The following ICE1 variants were observed in gnomAD, a reference collection of about 807,000 sequenced individuals.
ICE1 encodes the protein interactor of little elongation complex ELL subunit 1.
ICE1 carries 64 observed loss-of-function variants against 192.7 expected under a neutral mutation model. The ratio of observed to expected loss-of-function variants is 0.33; its 90% CI spans 0.27 to 0.41. The LOEUF (loss-of-function observed/expected upper bound fraction) is 0.41. Ranked by LOEUF, ICE1 falls within the 10% of genes least tolerant of loss-of-function variation. ICE1 has a pLI of 1.00. For missense variants in ICE1, 2,708 were observed against 2,696.0 expected (o/e 1.00, Z -0.10); for synonymous variants, 1,010 against 984.5 (o/e 1.03, Z -0.49).
intron 10 of ICE1, among the ~76,000 whole-genome samples, chr5:5,453,263 C>G (rs1738477683): frequency 6.6e-6 from 1 of 152,032 alleles, no homozygotes; most frequent in East Asian, 1.9e-4. Context: ...AATTTTGGAA[C>G]TGAAAAATGG....
chr5:5,478,758 A>G (rs972656088), intron 17 of ICE1, among the ~76,000 whole-genome samples: 9 of 152,214 alleles, frequency 5.9e-5, no homozygotes, highest in African/African-American at 1.7e-4. Context: ...ATATAGACCA[A>G]TGGAACAGAA....
chr5:5,445,754 A>G (rs1054015845), intron 7 of ICE1, among the ~76,000 whole-genome samples: 4 of 149,696 alleles, frequency 2.7e-5, no homozygotes, highest in African/African-American at 9.9e-5. Flanking sequence ...TTTTTTTGAG[A>G]GGAAGTCTCG....
At chr5:5,444,356 T>TC (rs776710296) in intron 7 of ICE1, 30 bp downstream of exon 7, 49 of 1,528,258 alleles carry the variant, frequency 3.2e-5, no homozygotes, top group Non-Finnish European at 4.0e-5. Context: ...CCTGAAGTTT[T>TC]CGGTCAGTAC....
Position 5,461,626 on chromosome 5 carries a change from T to C in ICE1, c.2292T>C (p.Asn764=). ...SQDPRIELTL[N]KPDFTSLIGS... The stretch of plus-strand genomic sequence containing the variant: ...ATCCAAGAATTGAGCTCACACTAAA[T>C]AAGCCAGATTTCACATCATTAATAG... Residue 764 remains asparagine, a synonymous_variant, in exon 13 of 19, where the codon AAT becomes AAC. Coordinates refer to ENST00000296564, the MANE Select transcript of ICE1 (RefSeq NM_015325.3). 1.2e-6 allele frequency: 2 copies of C among 1,613,548 alleles called. No homozygotes were observed. Among genetic ancestry groups the C allele is most frequent in the East Asian group, 2.2e-5 (1 of 44,876 alleles).
chr5:5,460,834 C>T lies in ICE1; in HGVS notation c.1500C>T (p.Thr500=), dbSNP rs773066906. 7.4e-6 allele frequency: 12 copies of T among 1,613,862 alleles called. No individual in the cohort carries two copies. In the East Asian group the frequency reaches 1.6e-4, roughly 21 times the overall value. Residue 500 remains threonine, a synonymous_variant, in exon 13 of 19, where the codon ACC becomes ACT. Transcript: ENST00000296564. The part of the protein sequence containing the change: ...EMDKSVQTEK[T]IHKLTRGLCI... ...ATAAGTCAGTACAAACTGAGAAGAC[C>T]ATTCATAAACTCACTCGAGGTCTAT...
chr5:5,433,106 T>G (rs147103222), intron 1 of ICE1, among the ~76,000 whole-genome samples: 176 of 152,318 alleles, frequency 1.2e-3, no homozygotes, highest in African/African-American at 4.0e-3. Context: ...CTACACTGTT[T>G]GGAAGCCTAA....
chr5:5,457,765 A>C, intron 12 of ICE1, 24 bp downstream of exon 12: 1 of 1,591,818 alleles, frequency 6.3e-7, no homozygotes, highest in Non-Finnish European at 8.6e-7. Flanking sequence ...TCTGAATTTG[A>C]ATTACCAAGT....
rs747155759 is a variant in ICE1, at chr5:5,463,712, G to A, written c.4378G>A (p.Gly1460Ser). 6.2e-7 allele frequency: 1 copy of A among 1,613,914 alleles called. No homozygotes were observed. Among genetic ancestry groups the A allele is most frequent in the Non-Finnish European group, 8.5e-7 (1 of 1,179,860 alleles). ...ISQDQGELEA[G>S]CIPVTSAEKS... is the part of the protein sequence containing the mutation. ...TCAGGATCAAGGAGAGCTGGAAGCT[G>A]GTTGCATCCCAGTGACTTCTGCTGA... The change falls in exon 13 of 19, where the codon GGT becomes AGT. Residue 1460 changes from glycine (G) to serine (S), a missense_variant. Coordinates refer to ENST00000296564, the MANE Select transcript of ICE1 (RefSeq NM_015325.3).
intron 1 of ICE1, among the ~76,000 whole-genome samples, chr5:5,425,239 C>T (rs570199334): frequency 1.3e-5 from 2 of 152,166 alleles, no homozygotes; most frequent in Non-Finnish European, 2.9e-5. Flanking sequence ...CTCCTTCCTT[C>T]TACCCTTGCC....
At position 5,464,452 on chromosome 5, in the gene ICE1, TGA is replaced by T. The variant is rs1561091991; in HGVS notation, c.5122_5123del (p.Arg1708GlyfsTer45). 1 of 1,613,762 alleles carries T rather than the reference TGA, an allele frequency of 6.2e-7. No individual in the cohort carries two copies. The highest frequency in any genetic ancestry group is 8.5e-7 in the Non-Finnish European group (1 of 1,179,820). ...SPSPSAASAS[E>X]RVVPSPLQFC... ...CATCTCCATCTGCAGCTTCAGCCAG[TGA>T]GAGGGTAGTGCCGTCTCCTCTGCAG... On this transcript the variant is annotated frameshift_variant, in exon 13 of 19. Coordinates refer to ENST00000296564, the MANE Select transcript of ICE1 (RefSeq NM_015325.3). LOFTEE classifies it high-confidence loss of function. This position sits in a 1 kb window ranked among gnomAD's most constrained non-coding sequence, Gnocchi z 4.0.
Position 5,463,111 on chromosome 5 carries a change from G to C in ICE1, c.3777G>C (p.Leu1259=), listed in dbSNP as rs748898940. The change falls in exon 13 of 19, where the codon CTG becomes CTC. Residue 1259 remains leucine, a synonymous_variant. Coordinates refer to ENST00000296564, the MANE Select transcript of ICE1 (RefSeq NM_015325.3). The part of the protein sequence containing the change: ...SQLTQCSLET[L]SEVLTKIRQE... ...TCACTCAGTGTTCTTTGGAAACTCT[G>C]TCTGAGGTTCTGACCAAGATTAGGC... The C allele has an allele frequency of 8.1e-6, 13 of 1,613,022 alleles. No homozygotes were observed. Among genetic ancestry groups the C allele is most frequent in the Non-Finnish European group, 8.5e-6 (10 of 1,179,558 alleles).
intron 17 of ICE1, among the ~76,000 whole-genome samples, chr5:5,479,579 A>G (rs562712075): frequency 4.6e-5 from 7 of 152,298 alleles, no homozygotes; most frequent in East Asian, 3.9e-4. Flanking sequence ...TGACCCAGCA[A>G]TCTCACACTA....
At chr5:5,479,638 T>A (rs892279314) in intron 17 of ICE1, among the ~76,000 whole-genome samples, 1 of 152,212 alleles carries the variant, frequency 6.6e-6, no homozygotes, top group East Asian at 1.9e-4. Flanking sequence ...TAAAGACTCA[T>A]GCACACATAT....
intron 17 of ICE1, among the ~76,000 whole-genome samples, chr5:5,479,675 C>G (rs976722154): frequency 2.6e-5 from 4 of 152,168 alleles, no homozygotes; most frequent in African/African-American, 9.7e-5. Context: ...TTTACAATAG[C>G]AAAGACTTGG....
Position 5,463,560 on chromosome 5 carries a change from T to C in ICE1, c.4226T>C (p.Leu1409Pro). ...GTGACCTCAGAAGTTATAAACGTAC[T>C]TATAAATAAGGATCAGAATCTAGTC... ...ATVTSEVINV[L>P]INKDQNLVIE... Residue 1409 changes from leucine (L) to proline (P), a missense_variant, in exon 13 of 19, where the codon CTT becomes CCT. Physicochemically the swap from Leu to Pro is moderately conservative, Grantham distance 98 (BLOSUM62 -3). This residue lies in a region of ICE1 where 2,366 missense variants were observed against 2,276.6 expected (regional missense o/e 1.04). Transcript: ENST00000296564. The C allele has an allele frequency of 6.2e-7, 1 of 1,613,988 alleles. No individual in the cohort carries two copies. Among genetic ancestry groups the C allele is most frequent in the Non-Finnish European group, 8.5e-7 (1 of 1,179,884 alleles).
At chr5:5,442,389 CTT>C (rs1014566703) in intron 5 of ICE1, among the ~76,000 whole-genome samples, 3 of 152,164 alleles carry the variant, frequency 2.0e-5, no homozygotes, top group Non-Finnish European at 2.9e-5. Flanking sequence ...TTATTTTCCT[CTT>C]TATAGAAATT....
intron 1 of ICE1, among the ~76,000 whole-genome samples, chr5:5,434,280 A>G (rs181253619): frequency 6.6e-6 from 1 of 152,300 alleles, no homozygotes; most frequent in Admixed American, 6.5e-5. Flanking sequence ...ACCTGTTATT[A>G]CCCTTACTAT....
intron 1 of ICE1, among the ~76,000 whole-genome samples, chr5:5,433,937 GA>G (rs1001918317): frequency 9.0e-5 from 13 of 144,274 alleles, no homozygotes; most frequent in South Asian, 2.2e-4. Flanking sequence ...GAACATAGAT[GA>G]AAAAAAAAAA....
intron 11 of ICE1, 67 bp from the exon 12 acceptor site, chr5:5,457,265 T>G (rs1738613038): frequency 7.2e-7 from 1 of 1,382,944 alleles, no homozygotes; most frequent in African/African-American, 1.5e-5. Flanking sequence ...TTTCTTTCTT[T>G]CTTTTTTTTT....
Sources: allele counts gnomAD v4.1 joint callset (sites outside exome capture counted in the v4.1 genomes callset), GRCh38; gene constraint gnomAD v4.1.1; regional missense constraint gnomAD v4.1.1; non-coding constraint Gnocchi (gnomAD v3.1); transcripts MANE v1.5; gene names NCBI Gene and HGNC (gene_info 2026-07-23, HGNC 2026-07-21).